The following RTEL1 variants were observed in gnomAD, a reference collection of about 807,000 sequenced individuals.
RTEL1 encodes the protein regulator of telomere elongation helicase 1, also known as regulator of telomere length.
Under a neutral mutation model 162.2 loss-of-function variants are expected in RTEL1, and 86 were observed. The observed-to-expected ratio is 0.53, with a 90% CI of 0.45 to 0.63. RTEL1 has a LOEUF of 0.63. RTEL1 is among the 30% of genes least tolerant of loss of function. The probability of loss-of-function intolerance (pLI) is 0.00; values close to 1 mark genes in which losing one functional copy is unlikely to be tolerated. For synonymous variants in RTEL1, 958 were observed against 717.9 expected, an observed-to-expected ratio of 1.33 and a Z score of -5.35; for missense variants, 1,941 against 1,750.2, an observed-to-expected ratio of 1.11 and a Z score of -1.95.
chr20:63,666,152 G>A (rs1601096536), intron 7 of RTEL1, 73 bp downstream of exon 7: 1 of 1,161,166 alleles, frequency 8.6e-7, no homozygotes, highest in East Asian at 2.4e-5. Flanking sequence ...TGGAGGCCCG[G>A]ATATATTTCT....
At chr20:63,692,451 C>G in intron 28 of RTEL1, 1 of 358,750 alleles carries the variant, frequency 2.8e-6, no homozygotes, top group East Asian at 6.0e-5. Flanking sequence ...TTGTGCGCTG[C>G]CATCCTGGGA....
intron 13 of RTEL1, 28 bp downstream of exon 13, chr20:63,679,974 C>T (rs538222307): frequency 9.2e-5 from 142 of 1,548,642 alleles, no homozygotes; most frequent in Middle Eastern, 1.7e-4. Context: ...GTCTTTGGTG[C>T]GGGCAAATGT....
At chr20:63,686,163 T>C in intron 16 of RTEL1, 1 of 503,626 alleles carries the variant, frequency 2.0e-6, no homozygotes, top group Non-Finnish European at 3.6e-6. Flanking sequence ...CGCTCGTTTA[T>C]GCCGAGGCCG....
chr20:63,659,420 G>T lies in RTEL1; in HGVS notation c.18G>T (p.Leu6=). MPKIV[L]NGVTVDFPFQ... ...AGGCTGATATGCCCAAGATAGTCCT[G>T]AATGGTGTGACCGTAGACTTCCCTT... Residue 6 remains leucine, a synonymous_variant, in exon 2 of 35, where the codon CTG becomes CTT. Coordinates refer to ENST00000360203, the MANE Select transcript of RTEL1 (RefSeq NM_001283009.2). The T allele has an allele frequency of 6.2e-7, 1 of 1,614,052 alleles. No homozygotes were observed. The highest frequency in any genetic ancestry group is 8.5e-7 in the Non-Finnish European group (1 of 1,179,888).
intron 30 of RTEL1, among the ~76,000 whole-genome samples, chr20:63,693,976 T>C (rs1046392035): frequency 6.6e-6 from 1 of 150,474 alleles, no homozygotes; most frequent in African/African-American, 2.5e-5. Context: ...TGGGGTGGAG[T>C]CCAAGTCTCC....
intron 31 of RTEL1, 87 bp from the exon 32 acceptor site, chr20:63,694,654 G>A (rs2090923504): frequency 6.1e-6 from 8 of 1,317,558 alleles, no homozygotes; most frequent in Non-Finnish European, 8.3e-6. Context: ...AGCTCTCCAG[G>A]AGTTCCTGGA....
At position 63,667,679 on chromosome 20, in the gene RTEL1, C is replaced by G. The variant is rs2090163689; in HGVS notation, c.699+126C>G. On this transcript the variant is annotated intron_variant, in intron 8 of 34. Coordinates refer to ENST00000360203, the MANE Select transcript of RTEL1 (RefSeq NM_001283009.2). ...AGCAGGCCTGGGTGGGAGGACTCAC[C>G]TCTGTCACTGGGCAGGGGCTCAACC... 3.9e-6 allele frequency: 3 copies of G among 768,300 alleles called. No homozygotes were observed. The East Asian group carries it at 7.6e-5, about 20-fold the overall frequency. 47.6% of individuals were successfully genotyped at this position (768,300 alleles called of 1,614,324 possible). A position where few individuals can be genotyped will look rare whatever the true frequency, so the allele number is the denominator to read the frequency against.
At chr20:63,683,862 A>G (rs902154277) in intron 14 of RTEL1, among the ~76,000 whole-genome samples, 15 of 152,210 alleles carry the variant, frequency 9.9e-5, no homozygotes, top group African/African-American at 3.4e-4. Context: ...AGGATCCCAT[A>G]TACATATACT....
rs927598652 is a variant in RTEL1, at chr20:63,668,672, C to T, written c.699+1119C>T. On this transcript the variant is annotated intron_variant, in intron 8 of 34. Transcript: ENST00000360203. This position sits in a 1 kb window ranked among gnomAD's most constrained non-coding sequence, Gnocchi z 4.3. ...CCCACAGAGAGCTGGTGAGGTTTGC[C>T]GTGGTTGTGGGTGACTCGGTGCTTT... is the stretch of plus-strand genomic sequence containing the variant. Among the ~76,000 whole-genome samples the T allele has an allele frequency of 3.0e-4, 45 of 152,008 alleles. No individual in the cohort carries two copies. Among genetic ancestry groups the T allele is most frequent in the African/African-American group, 1.1e-3 (45 of 41,366 alleles).
chr20:63,695,711 A>T (rs770951048), intron 34 of RTEL1, 61 bp downstream of exon 34: 9 of 1,605,300 alleles, frequency 5.6e-6, no homozygotes, highest in Admixed American at 1.7e-5. Flanking sequence ...GCTGAGGGGG[A>T]AAGGGCAGGC....
At position 63,678,401 on chromosome 20, in the gene RTEL1, G is replaced by A. The variant is rs538516309; in HGVS notation, c.1037+55G>A. 5.1e-5 allele frequency: 78 copies of A among 1,523,824 alleles called. No individual in the cohort carries two copies. In the African/African-American group the frequency reaches 8.6e-4, roughly 17 times the overall value. The allele number at this position is 1,523,824 out of a possible 1,614,324, so 94.4% of individuals were successfully genotyped here. On this transcript the variant is annotated intron_variant, in intron 12 of 34. Coordinates refer to ENST00000360203, the MANE Select transcript of RTEL1 (RefSeq NM_001283009.2). Reference sequence around the variant, plus strand: ...GCAGGCCCAGCCTAGAGCTAGAAACGGGCCATGGTGCAGTCCTGGGCTGTC... The same window carrying A: ...GCAGGCCCAGCCTAGAGCTAGAAACAGGCCATGGTGCAGTCCTGGGCTGTC...
intron 9 of RTEL1, 108 bp downstream of exon 9, chr20:63,672,729 G>A: frequency 1.1e-6 from 1 of 925,938 alleles, no homozygotes; most frequent in Admixed American, 2.0e-5. Context: ...GAAGCCCTAG[G>A]TGCCCAGGAC....
At position 63,666,895 on chromosome 20, in the gene RTEL1, A is replaced by C. The variant is rs553072475; in HGVS notation, c.615-574A>C. ...CGCTCTGTCGCCCAGGCTGGAGTGC[A>C]GTGGTGCGATCTCGGCTCACTGCAA... On this transcript the variant is annotated intron_variant, in intron 7 of 34. Coordinates refer to ENST00000360203, the MANE Select transcript of RTEL1 (RefSeq NM_001283009.2). Among the ~76,000 whole-genome samples the C allele has an allele frequency of 2.1e-3, 289 of 137,738 alleles. 2 individuals carry two copies. The highest frequency in any genetic ancestry group is 3.3e-3 in the Non-Finnish European group (222 of 66,460). 90.4% of individuals were successfully genotyped at this position (137,738 alleles called of 152,430 possible). A position where few individuals can be genotyped will look rare whatever the true frequency, so the allele number is the denominator to read the frequency against.
Position 63,693,026 on chromosome 20 carries a change from C to G in RTEL1, c.2851+23C>G, listed in dbSNP as rs370439985. 5 of 1,611,710 alleles carry G rather than the reference C, an allele frequency of 3.1e-6. No homozygotes were observed. In the South Asian group the frequency reaches 5.5e-5, roughly 18 times the overall value. On this transcript the variant is annotated intron_variant, in intron 29 of 34. Coordinates refer to ENST00000360203, the MANE Select transcript of RTEL1 (RefSeq NM_001283009.2). ...AAGGTGCCCTGGCTTGCAGAGGCCACCCACCCTGAGGGCAGTGCTGCCGCC... is the reference window on the plus strand; with the variant it reads ...AAGGTGCCCTGGCTTGCAGAGGCCAGCCACCCTGAGGGCAGTGCTGCCGCC...
At position 63,661,227 on chromosome 20, in the gene RTEL1, GTC is replaced by G; in HGVS notation, c.103-68_103-67del. On this transcript the variant is annotated intron_variant, in intron 2 of 34. Transcript: ENST00000360203. The surrounding 1 kb of genome is among the most constrained non-coding windows in gnomAD (Gnocchi z 5.1). ...AGCTGCCCGCTGGCTGCCGAAGCTT[GTC>G]TCAGGGCAGCTTGTGTGGCCTCGCC... 1 of 1,446,864 alleles carries G rather than the reference GTC, an allele frequency of 6.9e-7. No homozygotes were observed. Among genetic ancestry groups the G allele is most frequent in the Non-Finnish European group, 9.6e-7 (1 of 1,044,884 alleles). The allele number at this position is 1,446,864 out of a possible 1,614,324, so 89.6% of individuals were successfully genotyped here.
Position 63,662,826 on chromosome 20 carries a change from C to T in RTEL1, c.478-3C>T, listed in dbSNP as rs2090048045. The stretch of plus-strand genomic sequence containing the variant: ...GCTGCGCACTCTGCCCTTCCTCCCA[C>T]AGATCCACTTGTGCCGTAAGAAGGT... On this transcript the variant is annotated splice_region_variant and splice_polypyrimidine_tract_variant and intron_variant, in intron 5 of 34. Transcript: ENST00000360203. 2 of 1,613,766 alleles carry T rather than the reference C, an allele frequency of 1.2e-6. No homozygotes were observed. The highest frequency in any genetic ancestry group is 8.5e-7 in the Non-Finnish European group (1 of 1,180,010).
rs187626679 is a variant in RTEL1, at chr20:63,690,711, G to A, written c.2414-94G>A. ...GACACCCACAGGCAGGACCCCAAGT[G>A]CTGGGACTCTCCCCCAAGAGGGGCT... On this transcript the variant is annotated intron_variant, in intron 26 of 34. Coordinates refer to ENST00000360203, the MANE Select transcript of RTEL1 (RefSeq NM_001283009.2). 1.9e-3 allele frequency: 2,603 copies of A among 1,404,772 alleles called. 5 individuals are homozygous for A. Among genetic ancestry groups the A allele is most frequent in the Non-Finnish European group, 2.2e-3 (2,302 of 1,048,576 alleles). The allele number at this position is 1,404,772 out of a possible 1,614,324, so 87.0% of individuals were successfully genotyped here.
chr20:63,693,433 C>G (rs1601186334), intron 30 of RTEL1, 150 bp downstream of exon 30: 1 of 855,348 alleles, frequency 1.2e-6, no homozygotes, highest in Non-Finnish European at 1.8e-6. Flanking sequence ...TCCACCTCCA[C>G]CACCAGCACC....
chr20:63,696,002 A>T lies in RTEL1; in HGVS notation c.*144A>T, dbSNP rs1396303600. 5.0e-6 allele frequency: 4 copies of T among 794,030 alleles called. No individual in the cohort carries two copies. The highest frequency in any genetic ancestry group is 7.9e-6 in the Non-Finnish European group (4 of 507,728). 49.2% of individuals were successfully genotyped at this position (794,030 alleles called of 1,614,324 possible). On this transcript the variant is annotated 3_prime_UTR_variant, in exon 35 of 35. Transcript: ENST00000360203. ...TGCAGGCCTCAGGCAGGCGGGGCCC[A>T]TGGTTGGTCCCTGCGGTGGGACCGG...
Sources: allele counts gnomAD v4.1 joint callset (sites outside exome capture counted in the v4.1 genomes callset), GRCh38; gene constraint gnomAD v4.1.1; non-coding constraint Gnocchi (gnomAD v3.1); transcripts MANE v1.5; gene names NCBI Gene and HGNC (gene_info 2026-07-23, HGNC 2026-07-21).